RPRD2: variants seen among roughly 807,000 people sequenced by gnomAD.
RPRD2 encodes the protein regulation of nuclear pre-mRNA domain-containing protein 2.
A neutral mutation model predicts 104.4 loss-of-function variants in RPRD2; 12 were observed. The observed-to-expected ratio is 0.11, with a 90% confidence interval of 0.07 to 0.19. The LOEUF is 0.19. RPRD2 is among the 10% of genes least tolerant of loss of function. The pLI is 1.00. For synonymous variants in RPRD2, 714 were observed against 684.9 expected (o/e 1.04, Z -0.66); for missense variants, 1,543 against 1,790.1 (o/e 0.86, Z 2.49).
intron 2 of RPRD2, among the ~76,000 whole-genome samples, chr1:150,435,118 G>A (rs1272589816): frequency 6.6e-6 from 1 of 152,150 alleles, no homozygotes; most frequent in Non-Finnish European, 1.5e-5. Context: ...TCTGTGATCA[G>A]CGATGTTACT....
At chr1:150,371,076 T>G (rs587751312) in intron 1 of RPRD2, among the ~76,000 whole-genome samples, 17 of 152,234 alleles carry the variant, frequency 1.1e-4, no homozygotes, top group Admixed American at 4.6e-4. Context: ...CATATAAACA[T>G]GGACTAGAAA....
chr1:150,391,849 A>G (rs1156758288), intron 1 of RPRD2, among the ~76,000 whole-genome samples: 3 of 152,140 alleles, frequency 2.0e-5, no homozygotes, highest in African/African-American at 7.2e-5. Context: ...CAGAGGTTGC[A>G]GTGAGCCGAG....
chr1:150,465,410 G>T (rs905469930), intron 10 of RPRD2, among the ~76,000 whole-genome samples: 12 of 152,188 alleles, frequency 7.9e-5, no homozygotes, highest in Non-Finnish European at 1.6e-4. Flanking sequence ...GAGCCACTGC[G>T]CCCCTCCTAT....
intron 1 of RPRD2, among the ~76,000 whole-genome samples, chr1:150,365,948 G>T (rs921392710): frequency 6.6e-6 from 1 of 152,158 alleles, no homozygotes; most frequent in Non-Finnish European, 1.5e-5. Context: ...GATCTCATGG[G>T]TAATGTGCAC....
At position 150,398,932 on chromosome 1, in the gene RPRD2, A is replaced by G. The variant is rs587757419; in HGVS notation, c.206-18664A>G. Among the ~76,000 whole-genome samples the G allele has an allele frequency of 6.6e-5, 10 of 152,324 alleles. No homozygotes were observed. The South Asian group carries it at 2.1e-3, about 32-fold the overall frequency. On this transcript the variant is annotated intron_variant, in intron 1 of 10. Transcript: ENST00000369068. ...TGTTAACAGATGATATTTTCGTTACATATAAGAAATCCTTTAATTCAAAGT... is the reference window on the plus strand; with the variant it reads ...TGTTAACAGATGATATTTTCGTTACGTATAAGAAATCCTTTAATTCAAAGT...
chr1:150,372,213 A>T (rs587641994), intron 1 of RPRD2, among the ~76,000 whole-genome samples: 1 of 152,316 alleles, frequency 6.6e-6, no homozygotes, highest in East Asian at 1.9e-4. Flanking sequence ...TTGTTTATAA[A>T]TCCCTAGTTT....
intron 1 of RPRD2, among the ~76,000 whole-genome samples, chr1:150,380,370 T>G (rs587750119): frequency 2.9e-4 from 44 of 152,212 alleles, no homozygotes; most frequent in African/African-American, 7.7e-4. Flanking sequence ...CCCTCGCCCA[T>G]CATTCTCTTA....
At chr1:150,431,500 G>C (rs1361707967) in intron 2 of RPRD2, among the ~76,000 whole-genome samples, 1 of 38,466 alleles carries the variant, frequency 2.6e-5, no homozygotes, top group Non-Finnish European at 4.9e-5. Flanking sequence ...TTTTTTTTGA[G>C]ACGGGGTTTT....
intron 9 of RPRD2, among the ~76,000 whole-genome samples, chr1:150,464,296 A>G (rs1570793512): frequency 6.6e-6 from 1 of 150,814 alleles, no homozygotes; most frequent in Admixed American, 6.6e-5. Context: ...GGTGTGAGCC[A>G]CCTCGCCCGG....
chr1:150,403,120 A>G (rs1553885754), intron 1 of RPRD2, among the ~76,000 whole-genome samples: 1 of 152,232 alleles, frequency 6.6e-6, no homozygotes, highest in African/African-American at 2.4e-5. Flanking sequence ...CAACCTAAGT[A>G]TATGTTATAA....
chr1:150,417,529 T>A (rs1387887122), intron 1 of RPRD2, 67 bp from the exon 2 acceptor site: 7 of 1,298,698 alleles, frequency 5.4e-6, no homozygotes, highest in Non-Finnish European at 7.2e-6. Flanking sequence ...ACACTGTATT[T>A]GGAATAAGTT....
intron 1 of RPRD2, among the ~76,000 whole-genome samples, chr1:150,375,389 G>C (rs781880975): frequency 2.8e-4 from 43 of 152,152 alleles, no homozygotes; most frequent in Admixed American, 9.8e-4. Context: ...CTGTGACATG[G>C]AGGTATCTTG....
At chr1:150,425,916 C>T (rs1387085653) in intron 2 of RPRD2, among the ~76,000 whole-genome samples, 1 of 151,966 alleles carries the variant, frequency 6.6e-6, no homozygotes, top group Non-Finnish European at 1.5e-5. Context: ...TGTGAGACCA[C>T]CCTGGGCAAC....
chr1:150,415,667 G>A (rs1469484256), intron 1 of RPRD2, among the ~76,000 whole-genome samples: 1 of 152,134 alleles, frequency 6.6e-6, no homozygotes, highest in Non-Finnish European at 1.5e-5. Flanking sequence ...GGTGACAGGA[G>A]TGAGACCCTG....
At chr1:150,392,623 G>A (rs909524325) in intron 1 of RPRD2, among the ~76,000 whole-genome samples, 4 of 152,146 alleles carry the variant, frequency 2.6e-5, no homozygotes, top group East Asian at 1.9e-4. Flanking sequence ...CAGGACTATC[G>A]CGTGAAGCCA....
chr1:150,439,318 T>G, intron 2 of RPRD2, among the ~76,000 whole-genome samples: 1 of 152,168 alleles, frequency 6.6e-6, no homozygotes, highest in Admixed American at 6.5e-5. Context: ...CTTAGAGATA[T>G]TGAGATTTCA....
At chr1:150,434,867 G>A (rs1427886989) in intron 2 of RPRD2, among the ~76,000 whole-genome samples, 1 of 152,094 alleles carries the variant, frequency 6.6e-6, no homozygotes, top group East Asian at 1.9e-4. Flanking sequence ...AGAGTTGATT[G>A]GAACATGGGG....
At chr1:150,379,304 A>T (rs1207312036) in intron 1 of RPRD2, among the ~76,000 whole-genome samples, 5 of 152,096 alleles carry the variant, frequency 3.3e-5, no homozygotes, top group African/African-American at 1.2e-4. Flanking sequence ...AAAAAGAAAG[A>T]AAAGAAATAA....
intron 4 of RPRD2, 122 bp from the exon 5 acceptor site, chr1:150,443,109 G>C: frequency 1.6e-6 from 1 of 631,110 alleles, no homozygotes; most frequent in African/African-American, 1.9e-5. Flanking sequence ...TAGGAATTAT[G>C]ACTTAAATGT....
Sources: gnomAD v4.1 joint callset for allele counts (sites outside exome capture counted in the v4.1 genomes callset) on GRCh38, gnomAD v4.1.1 for gene constraint, MANE v1.5 for transcripts, NCBI Gene and HGNC (gene_info 2026-07-23, HGNC 2026-07-21) for gene names.